Variants in MED15 observed in about 807,000 individuals in gnomAD.
MED15 encodes the protein mediator of RNA polymerase II transcription subunit 15.
MED15 carries 41 observed loss-of-function variants against 118.7 expected under a neutral mutation model. That is an observed-to-expected ratio of 0.35 (90% CI 0.27 to 0.45). The LOEUF is 0.45. MED15 is among the 20% of genes least tolerant of loss of function. MED15 has a pLI of 1.00. For synonymous variants in MED15, 436 were observed against 413.9 expected (o/e 1.05, Z -0.65); for missense variants, 740 against 1,025.5 (o/e 0.72, Z 3.80).
intron 7 of MED15, 149 bp from the exon 8 acceptor site, chr22:20,568,372 C>G: frequency 8.0e-7 from 1 of 1,248,568 alleles, no homozygotes; most frequent in Non-Finnish European, 1.1e-6. Context: ...TCCTAGATGG[C>G]CAGTAAGGTG....
intron 7 of MED15, among the ~76,000 whole-genome samples, chr22:20,567,724 G>C (rs1460353079): frequency 6.6e-6 from 1 of 152,146 alleles, no homozygotes; most frequent in South Asian, 2.1e-4. Context: ...AATGTGCCCT[G>C]GCAGGGTTTG....
intron 1 of MED15, among the ~76,000 whole-genome samples, chr22:20,511,014 TTCTC>T (rs2146329481): frequency 1.3e-5 from 2 of 152,248 alleles, no homozygotes; most frequent in South Asian, 4.1e-4. Context: ...AGGGTTCACT[TTCTC>T]TCTAGGGTTC....
At chr22:20,574,295 C>G (rs1013484682) in intron 8 of MED15, 1 of 152,296 alleles carries the variant, frequency 6.6e-6, no homozygotes, top group African/African-American at 2.4e-5. Flanking sequence ...GGCTCTACCC[C>G]CAACTCAGAA....
rs192604854 is a variant in MED15 at position 20,586,696 on chromosome 22, G to C, written c.2359G>C (p.Ala787Pro). 6.2e-7 allele frequency: 1 copy of C among 1,612,456 alleles called. No homozygotes were observed. Among genetic ancestry groups the C allele is most frequent in the African/African-American group, 1.3e-5 (1 of 75,056 alleles). ...AQSVHQACLSAA is the reference protein window; with the variant it reads ...AQSVHQACLSPA ...GAGCGTCCACCAGGCCTGCCTCTCA[G>C]CCGCCTAGCCAAGACTGCAGGGATG... The change falls in exon 18 of 18, where the codon GCC (alanine) becomes CCC (proline). Residue 787 changes from alanine to proline, a missense_variant. By Grantham distance (27) the Ala-to-Pro change is conservative. Transcript: ENST00000263205.
At chr22:20,532,609 CG>C (rs1569186248) in intron 1 of MED15, among the ~76,000 whole-genome samples, 1 of 152,168 alleles carries the variant, frequency 6.6e-6, no homozygotes, top group East Asian at 1.9e-4. Context: ...TGCTCTGAGC[CG>C]GTAACAGTCC....
intron 13 of MED15, chr22:20,583,632 T>C (rs2057053120): frequency 1.9e-6 from 1 of 531,734 alleles, no homozygotes; most frequent in Non-Finnish European, 3.4e-6. Context: ...TGCTGGGCCA[T>C]CACAGCCAGA....
At chr22:20,557,244 C>T (rs1228966153) in intron 5 of MED15, among the ~76,000 whole-genome samples, 1 of 152,178 alleles carries the variant, frequency 6.6e-6, no homozygotes, top group African/African-American at 2.4e-5. Flanking sequence ...ACCCCATCCT[C>T]ACACTCCTAC....
At chr22:20,528,102 C>T (rs6001257) in intron 1 of MED15, among the ~76,000 whole-genome samples, 3,766 of 152,126 alleles carry the variant, frequency 0.025, 157 homozygotes, top group African/African-American at 0.086. Context: ...TTTCTGTTAC[C>T]GCTAAATTAC....
At position 20,549,435 on chromosome 22, in the gene MED15, A is replaced by G. The variant is rs2055684110; in HGVS notation, c.157-2001A>G. 2.0e-5 allele frequency among the ~76,000 whole-genome samples: 3 copies of G among 150,322 alleles called. No individual in the cohort carries two copies. The South Asian group carries it at 6.5e-4, about 33-fold the overall frequency. On this transcript the variant is annotated intron_variant, in intron 2 of 17. Coordinates refer to ENST00000263205, the MANE Select transcript of MED15 (RefSeq NM_001003891.3). ...GGAGTTGGTGTGCTTTGGAGCAGAA[A>G]GGGGCATAATAATCTGTCCATCTGG...
intron 3 of MED15, chr22:20,552,558 G>A (rs2055821055): frequency 4.3e-6 from 2 of 460,924 alleles, no homozygotes; most frequent in Admixed American, 5.0e-5. Context: ...CCTGGCTGGT[G>A]CACACAGTCC....
intron 17 of MED15, among the ~76,000 whole-genome samples, chr22:20,586,120 T>C (rs988478919): frequency 1.3e-5 from 2 of 152,156 alleles, no homozygotes; most frequent in Admixed American, 1.3e-4. Flanking sequence ...AGCCCATGGC[T>C]CAGGGACAGT....
chr22:20,584,028 C>A, intron 13 of MED15: 1 of 369,216 alleles, frequency 2.7e-6, no homozygotes, highest in Non-Finnish European at 5.1e-6. Flanking sequence ...GGTGGTCCTC[C>A]AGGTCTTCAT....
intron 2 of MED15, 50 bp downstream of exon 2, chr22:20,537,254 G>A: frequency 6.5e-7 from 1 of 1,536,132 alleles, no homozygotes; most frequent in South Asian, 1.1e-5. Flanking sequence ...TTGGAGAGGA[G>A]AGCATCACAG....
intron 2 of MED15, among the ~76,000 whole-genome samples, chr22:20,541,409 G>A (rs1476853368): frequency 6.6e-6 from 1 of 152,142 alleles, no homozygotes; most frequent in African/African-American, 2.4e-5. Flanking sequence ...ACAATGAGAT[G>A]CCACTTCATT....
At chr22:20,523,124 A>G (rs1299358934) in intron 1 of MED15, 1 of 152,180 alleles carries the variant, frequency 6.6e-6, no homozygotes, top group African/African-American at 2.4e-5. Flanking sequence ...TTATAGCTTG[A>G]TATGTATGCA....
chr22:20,581,681 C>T (rs2056986806), intron 9 of MED15, among the ~76,000 whole-genome samples: 1 of 152,150 alleles, frequency 6.6e-6, no homozygotes, highest in Admixed American at 6.5e-5. Flanking sequence ...GCTGTTCTCC[C>T]CATCAAAGCA....
intron 2 of MED15, among the ~76,000 whole-genome samples, chr22:20,539,168 G>A (rs751243982): frequency 5.3e-5 from 8 of 151,752 alleles, no homozygotes; most frequent in East Asian, 1.9e-4. Context: ...GCACGATCTC[G>A]GCTCACTGCA....
chr22:20,547,089 A>G (rs1429382507), intron 2 of MED15, among the ~76,000 whole-genome samples: 1 of 152,174 alleles, frequency 6.6e-6, no homozygotes, highest in Admixed American at 6.5e-5. Flanking sequence ...TACTATGAAT[A>G]TCTTGGTTTC....
chr22:20,577,537 A>G (rs1353904477), intron 9 of MED15, among the ~76,000 whole-genome samples: 1 of 151,836 alleles, frequency 6.6e-6, no homozygotes, highest in Non-Finnish European at 1.5e-5. Flanking sequence ...GAAGCTTCCA[A>G]CCCCCAAAGG....
Sources: allele counts gnomAD v4.1 joint callset (sites outside exome capture counted in the v4.1 genomes callset), GRCh38; gene constraint gnomAD v4.1.1; transcripts MANE v1.5; gene names NCBI Gene and HGNC (gene_info 2026-07-23, HGNC 2026-07-21).